LGR6: variants seen among roughly 807,000 people sequenced by gnomAD.
LGR6 encodes the protein leucine-rich repeat-containing G protein-coupled receptor 6.
A neutral mutation model predicts 69.4 loss-of-function variants in LGR6; 45 were observed. That is an observed-to-expected ratio of 0.65 (90% confidence interval 0.51 to 0.83). The LOEUF (loss-of-function observed/expected upper bound fraction) is 0.83. LGR6 is among the 40% of genes least tolerant of loss of function. The pLI, the probability that LGR6 is intolerant of heterozygous loss-of-function variation, is 0.00. For missense variants in LGR6, 1,108 were observed against 1,246.7 expected (o/e 0.89, Z 1.68); for synonymous variants, 538 against 555.0 (o/e 0.97, Z 0.43).
At chr1:202,269,106 ATT>A (rs1205922295) in intron 4 of LGR6, among the ~76,000 whole-genome samples, 2 of 151,776 alleles carry the variant, frequency 1.3e-5, no homozygotes, top group Admixed American at 6.6e-5. Context: ...GTGTCTTGCT[ATT>A]TTGTCCAGGC....
chr1:202,280,370 A>C (rs996470882), intron 5 of LGR6, among the ~76,000 whole-genome samples: 9 of 152,126 alleles, frequency 5.9e-5, no homozygotes, highest in Admixed American at 5.2e-4. Flanking sequence ...TGTTGACTGC[A>C]GTGGTTTGCT....
At chr1:202,240,595 C>G (rs1216598666) in intron 4 of LGR6, among the ~76,000 whole-genome samples, 2 of 151,932 alleles carry the variant, frequency 1.3e-5, no homozygotes, top group Non-Finnish European at 2.9e-5. Flanking sequence ...GAGGGGAGGT[C>G]TGTAATCCAT....
intron 6 of LGR6, among the ~76,000 whole-genome samples, chr1:202,296,513 G>A (rs184113204): frequency 6.1e-4 from 93 of 152,198 alleles, no homozygotes; most frequent in Non-Finnish European, 6.5e-4. Context: ...CTCTTTCCCC[G>A]GGGCTCCCCT....
chr1:202,311,271 A>G (rs1435849990), intron 16 of LGR6, among the ~76,000 whole-genome samples: 1 of 152,204 alleles, frequency 6.6e-6, no homozygotes, highest in East Asian at 1.9e-4. Flanking sequence ...CGTAGACAAA[A>G]CTGAGGTCCA....
intron 6 of LGR6, chr1:202,281,123 AC>A (rs1558059648): frequency 4.9e-6 from 2 of 410,960 alleles, no homozygotes; most frequent in Non-Finnish European, 8.7e-6. Context: ...GTGGGCAGAG[AC>A]CACCAAAATA....
At chr1:202,275,902 A>G (rs1571945212) in intron 4 of LGR6, among the ~76,000 whole-genome samples, 1 of 152,198 alleles carries the variant, frequency 6.6e-6, no homozygotes, top group Non-Finnish European at 1.5e-5. Context: ...GAAGGGAAAT[A>G]CTGGCTATCC....
intron 9 of LGR6, among the ~76,000 whole-genome samples, chr1:202,302,751 T>C (rs958679843): frequency 5.3e-5 from 8 of 152,122 alleles, no homozygotes; most frequent in Non-Finnish European, 1.2e-4. Flanking sequence ...TTCACCATGT[T>C]GGCCAGGCTG....
chr1:202,249,179 C>T (rs1172865688), intron 4 of LGR6, among the ~76,000 whole-genome samples: 7 of 152,240 alleles, frequency 4.6e-5, no homozygotes, highest in African/African-American at 1.4e-4. Context: ...CATCTACAGG[C>T]GAAGCATTCT....
At position 202,268,232 on chromosome 1, in the gene LGR6, G is replaced by A. The variant is rs1664821477; in HGVS notation, c.429-8074G>A. ...CCCCGTGGCCCTCCGTGCAGAAGCT[G>A]GCACCTGGCACTGGCGGCTGGTGCT... On this transcript the variant is annotated intron_variant, in intron 4 of 17. Transcript: ENST00000367278. The surrounding 1 kb of genome is among the most constrained non-coding windows in gnomAD (Gnocchi z 4.4). 6.6e-6 allele frequency among the ~76,000 whole-genome samples: 1 copy of A among 152,218 alleles called. No homozygotes were observed. Among genetic ancestry groups the A allele is most frequent in the Admixed American group, 6.5e-5 (1 of 15,282 alleles).
chr1:202,260,196 G>A (rs1040327298), intron 4 of LGR6, among the ~76,000 whole-genome samples: 4 of 151,944 alleles, frequency 2.6e-5, no homozygotes, highest in South Asian at 4.2e-4. Context: ...GTGTCACCAC[G>A]CCCAGTTAAT....
At chr1:202,303,460 G>T (rs1572002902) in intron 10 of LGR6, 113 bp downstream of exon 10, 4 of 814,742 alleles carry the variant, frequency 4.9e-6, no homozygotes, top group Non-Finnish European at 4.1e-6. Flanking sequence ...CTTTTATCCA[G>T]CCTGTCTCTA....
In LGR6 at chr1:202,307,400, C is replaced by T; in HGVS notation, c.1279C>T (p.Leu427=). ...AFSTLHSLVK[L]DLTDNQLTTL... ...CTCCACCCTGCACTCCCTGGTCAAG[C>T]TGTAAGTGCCTGCTGCATTCTCCTC... Residue 427 remains leucine, a splice_region_variant and synonymous_variant, in exon 14 of 18, where the codon CTG becomes TTG. Coordinates refer to ENST00000367278, the MANE Select transcript of LGR6 (RefSeq NM_001017403.2). The T allele has an allele frequency of 6.2e-7, 1 of 1,613,946 alleles. No individual in the cohort carries two copies. Among genetic ancestry groups the T allele is most frequent in the Non-Finnish European group, 8.5e-7 (1 of 1,179,798 alleles).
At chr1:202,204,317 A>C in intron 1 of LGR6, among the ~76,000 whole-genome samples, 1 of 103,962 alleles carries the variant, frequency 9.6e-6, no homozygotes, top group African/African-American at 3.8e-5. Flanking sequence ...CACCCAACAC[A>C]CACCTCCTCC....
chr1:202,261,497 G>A (rs1253832960), intron 4 of LGR6, among the ~76,000 whole-genome samples: 1 of 152,068 alleles, frequency 6.6e-6, no homozygotes, highest in Non-Finnish European at 1.5e-5. Flanking sequence ...TGGACATTTG[G>A]GTTGGTTCCA....
At position 202,309,295 on chromosome 1, in the gene LGR6, T is replaced by G. The variant is rs1014711129; in HGVS notation, c.1406+119T>G. 3 of 1,263,130 alleles carry G rather than the reference T, an allele frequency of 2.4e-6. No individual in the cohort carries two copies. In the African/African-American group the frequency reaches 4.5e-5, roughly 19 times the overall value. The allele number at this position is 1,263,130 out of a possible 1,614,324, so 78.2% of individuals were successfully genotyped here. A position where few individuals can be genotyped will look rare whatever the true frequency, so the allele number is the denominator to read the frequency against. On this transcript the variant is annotated intron_variant, in intron 15 of 17. Coordinates refer to ENST00000367278, the MANE Select transcript of LGR6 (RefSeq NM_001017403.2). ...CTAGAGGCTTAGGGTTTGACCAAGA[T>G]TTAGTGGAAGGGCTCACCTGACCAC...
chr1:202,214,253 G>A, intron 1 of LGR6: 1 of 1,532,484 alleles, frequency 6.5e-7, no homozygotes, highest in South Asian at 1.3e-5. Flanking sequence ...CTTGGGGGAA[G>A]GGTGCCGAGC....
chr1:202,319,231 C>T lies in LGR6; in HGVS notation c.*24C>T. On this transcript the variant is annotated 3_prime_UTR_variant, in exon 18 of 18. Coordinates refer to ENST00000367278, the MANE Select transcript of LGR6 (RefSeq NM_001017403.2). ...AAATATCCCTCCCCATTCTTCTCTTCCCCTCTCTTCCCTTTCCTCTCTCCC... is the reference window on the plus strand; with the variant it reads ...AAATATCCCTCCCCATTCTTCTCTTTCCCTCTCTTCCCTTTCCTCTCTCCC... 1 of 1,536,726 alleles carries T rather than the reference C, an allele frequency of 6.5e-7. No homozygotes were observed. The highest frequency in any genetic ancestry group is 8.7e-7 in the Non-Finnish European group (1 of 1,143,504).
In LGR6 at chr1:202,319,158, G is replaced by C. The variant is rs561224262; in HGVS notation, c.2855G>C (p.Gly952Ala). Residue 952 changes from glycine (G) to alanine (A), a missense_variant, in exon 18 of 18, where the codon GGG becomes GCG. By Grantham distance (60) the Gly-to-Ala change is moderately conservative. Transcript: ENST00000367278. ...GSTPAGGGLS[G>A]GGGFQPSGLA... ...ACGCCAGCAGGTGGAGGCTTGTCAG[G>C]GGGTGGCGGCTTTCAGCCCTCTGGC... 32 of 1,613,416 alleles carry C rather than the reference G, an allele frequency of 2.0e-5. No individual in the cohort carries two copies. The highest frequency in any genetic ancestry group is 1.5e-4 in the Admixed American group (9 of 59,886).
intron 6 of LGR6, among the ~76,000 whole-genome samples, chr1:202,284,188 G>A (rs1666231088): frequency 6.6e-6 from 1 of 152,188 alleles, no homozygotes; most frequent in African/African-American, 2.4e-5. Context: ...GACCTCGTAG[G>A]AAGGAAGCTC....
Sources: allele counts gnomAD v4.1 joint callset (sites outside exome capture counted in the v4.1 genomes callset), GRCh38; gene constraint gnomAD v4.1.1; non-coding constraint Gnocchi (gnomAD v3.1); transcripts MANE v1.5; gene names NCBI Gene and HGNC (gene_info 2026-07-23, HGNC 2026-07-21).